The following EIF2AK2 variants were observed in gnomAD, a reference collection of about 807,000 sequenced individuals.
EIF2AK2 encodes the protein eukaryotic translation initiation factor 2 alpha kinase 2, also known as interferon-induced, double-stranded RNA-activated protein kinase.
In EIF2AK2, 40 loss-of-function variants were observed where a neutral mutation model predicts 70.5. The ratio of observed to expected loss-of-function variants is 0.57; its 90% CI spans 0.44 to 0.74. The LOEUF (loss-of-function observed/expected upper bound fraction) is 0.74. EIF2AK2 is among the 30% of genes least tolerant of loss of function. The pLI, the probability that EIF2AK2 is intolerant of heterozygous loss-of-function variation, is 0.00. For synonymous variants in EIF2AK2, 198 were observed against 220.9 expected (o/e 0.90, Z 0.92); for missense variants, 555 against 644.3 (o/e 0.86, Z 1.50).
In EIF2AK2 at chr2:37,148,966, G is replaced by C; in HGVS notation, c.-126C>G. Reference sequence around the variant, plus strand: ...TGAGTCAGATGGAAGAACTGCTAAAGTTTTGAGGTCATTACAATTTACAAA... The same window carrying C: ...TGAGTCAGATGGAAGAACTGCTAAACTTTTGAGGTCATTACAATTTACAAA... On this transcript the variant is annotated 5_prime_UTR_variant, in exon 2 of 17. Coordinates refer to ENST00000233057, the MANE Select transcript of EIF2AK2 (RefSeq NM_001135651.3). 1 of 832,428 alleles carries C rather than the reference G, an allele frequency of 1.2e-6. No homozygotes were observed. Among genetic ancestry groups the C allele is most frequent in the South Asian group, 1.3e-5 (1 of 75,504 alleles). 51.6% of individuals were successfully genotyped at this position (832,428 alleles called of 1,614,324 possible). A position where few individuals can be genotyped will look rare whatever the true frequency, so the allele number is the denominator to read the frequency against.
At chr2:37,139,071 AC>A (rs1675230381) in intron 6 of EIF2AK2, among the ~76,000 whole-genome samples, 1 of 151,628 alleles carries the variant, frequency 6.6e-6, no homozygotes. Context: ...AAACCCCAGC[AC>A]TTTAGGAGGC....
intron 11 of EIF2AK2, among the ~76,000 whole-genome samples, chr2:37,123,767 G>C (rs543409970): frequency 4.8e-4 from 73 of 152,272 alleles, no homozygotes; most frequent in Non-Finnish European, 9.7e-4. Flanking sequence ...AATGGTGGAA[G>C]GCTTTACAGG....
intron 10 of EIF2AK2, among the ~76,000 whole-genome samples, chr2:37,132,019 C>T (rs1410543475): frequency 2.0e-5 from 3 of 152,124 alleles, no homozygotes. Context: ...AAAACTAATC[C>T]ATTGTCTACT....
chr2:37,111,259 G>A (rs1193871434), intron 14 of EIF2AK2, among the ~76,000 whole-genome samples: 3 of 151,982 alleles, frequency 2.0e-5, no homozygotes, highest in Admixed American at 6.6e-5. Flanking sequence ...CACATTTAAC[G>A]CCACTAAACT....
At chr2:37,118,003 G>T (rs960742613) in intron 13 of EIF2AK2, among the ~76,000 whole-genome samples, 1 of 152,266 alleles carries the variant, frequency 6.6e-6, no homozygotes, top group South Asian at 2.1e-4. Context: ...GAAGATGAAA[G>T]AAGTCTCAGT....
At chr2:37,129,521 G>T (rs545800719) in intron 10 of EIF2AK2, among the ~76,000 whole-genome samples, 6 of 152,058 alleles carry the variant, frequency 3.9e-5, no homozygotes, top group African/African-American at 1.4e-4. Flanking sequence ...GGCATCCTTC[G>T]CCCCCACATC....
intron 15 of EIF2AK2, among the ~76,000 whole-genome samples, chr2:37,108,921 A>C (rs1674054066): frequency 6.6e-6 from 1 of 152,214 alleles, no homozygotes; most frequent in Non-Finnish European, 1.5e-5. Flanking sequence ...GTCTTACACA[A>C]AGCAGTCAAT....
chr2:37,122,245 A>G (rs1674580020), intron 12 of EIF2AK2, among the ~76,000 whole-genome samples: 1 of 152,206 alleles, frequency 6.6e-6, no homozygotes, highest in Non-Finnish European at 1.5e-5. Flanking sequence ...GAAACAATGG[A>G]GTCAGGAAAG....
intron 1 of EIF2AK2, among the ~76,000 whole-genome samples, chr2:37,154,639 CA>C (rs1323343062): frequency 6.6e-6 from 1 of 152,096 alleles, no homozygotes; most frequent in East Asian, 1.9e-4. Flanking sequence ...CGGCTCGCTG[CA>C]ACCTCTGCCT....
At chr2:37,115,897 T>C (rs1446337489) in intron 13 of EIF2AK2, among the ~76,000 whole-genome samples, 2 of 152,000 alleles carry the variant, frequency 1.3e-5, no homozygotes, top group African/African-American at 2.4e-5. Context: ...GGAGGTGTTT[T>C]GTTTTGTTTT....
intron 2 of EIF2AK2, among the ~76,000 whole-genome samples, chr2:37,148,319 G>C (rs192635864): frequency 2.6e-5 from 4 of 152,290 alleles, no homozygotes; most frequent in Admixed American, 2.6e-4. Flanking sequence ...AATGTTTTAT[G>C]TTGAGAAGAA....
Position 37,107,226 on chromosome 2 carries a change from T to C in EIF2AK2, c.*47A>G, listed in dbSNP as rs1673991883. The C allele has an allele frequency of 6.3e-7, 1 of 1,580,358 alleles. No individual in the cohort carries two copies. Among genetic ancestry groups the C allele is most frequent in the South Asian group, 1.2e-5 (1 of 83,254 alleles). On this transcript the variant is annotated 3_prime_UTR_variant, in exon 17 of 17. Coordinates refer to ENST00000233057, the MANE Select transcript of EIF2AK2 (RefSeq NM_001135651.3). ...TATTCCCTAGCAGATTTTAGATAAT[T>C]TAAGGAAAACTGCATATCAGAAGCA... is the stretch of plus-strand genomic sequence containing the variant.
At chr2:37,150,978 G>A (rs1270078419) in intron 1 of EIF2AK2, among the ~76,000 whole-genome samples, 1 of 152,074 alleles carries the variant, frequency 6.6e-6, no homozygotes, top group Admixed American at 6.6e-5. Context: ...AAATGTACAA[G>A]CGAAAACTAT....
intron 9 of EIF2AK2, 150 bp from the exon 10 acceptor site, chr2:37,135,696 A>G: frequency 1.6e-6 from 1 of 629,098 alleles, no homozygotes. Flanking sequence ...TGGTGTGATC[A>G]TAGCTCACTA....
At chr2:37,110,334 G>C (rs556228976) in intron 14 of EIF2AK2, among the ~76,000 whole-genome samples, 1 of 151,358 alleles carries the variant, frequency 6.6e-6, no homozygotes, top group East Asian at 1.9e-4. Flanking sequence ...GACCTGAGGT[G>C]ATCTGCCCAC....
chr2:37,110,498 G>T (rs1466552505), intron 14 of EIF2AK2, among the ~76,000 whole-genome samples: 8 of 152,138 alleles, frequency 5.3e-5, no homozygotes, highest in African/African-American at 1.9e-4. Flanking sequence ...CAGCAATACA[G>T]GATGCAGGAG....
intron 1 of EIF2AK2, among the ~76,000 whole-genome samples, chr2:37,150,813 T>C (rs1331925927): frequency 6.6e-6 from 1 of 152,246 alleles, no homozygotes; most frequent in Non-Finnish European, 1.5e-5. Flanking sequence ...GATTTCTCTA[T>C]GAAATCCCAA....
chr2:37,141,671 T>C lies in EIF2AK2; in HGVS notation c.271A>G (p.Asn91Asp). The C allele has an allele frequency of 1.2e-6, 2 of 1,613,514 alleles. No homozygotes were observed. The highest frequency in any genetic ancestry group is 1.7e-6 in the Non-Finnish European group (2 of 1,179,852). The part of the protein sequence containing the change: ...AVSPLLLTTT[N>D]SSEGLSMGNY... ...CCCATGGATAATCCTTCTGAAGAATTCGTTGTTGTCAATAATAAAGGACTA... is the reference window on the plus strand; with the variant it reads ...CCCATGGATAATCCTTCTGAAGAATCCGTTGTTGTCAATAATAAAGGACTA... The change falls in exon 5 of 17, where the codon AAT becomes GAT. Residue 91 changes from asparagine to aspartate, a missense_variant. Physicochemically the swap from Asn to Asp is conservative, Grantham distance 23. Around this residue, in one of 3 missense-constraint regions of EIF2AK2, gnomAD observed 208 missense variants for 191.8 expected, o/e 1.08. Transcript: ENST00000233057.
chr2:37,150,287 G>C (rs1206377123), intron 1 of EIF2AK2, among the ~76,000 whole-genome samples: 1 of 151,978 alleles, frequency 6.6e-6, no homozygotes, highest in African/African-American at 2.4e-5. Flanking sequence ...GAATAGAAAA[G>C]ATGCTTACTC....
Sources: gnomAD v4.1 joint callset for allele counts (sites outside exome capture counted in the v4.1 genomes callset) on GRCh38, gnomAD v4.1.1 for gene constraint, gnomAD v4.1.1 regional missense constraint, MANE v1.5 for transcripts, NCBI Gene and HGNC (gene_info 2026-07-23, HGNC 2026-07-21) for gene names.